EYS: variants seen among roughly 807,000 people sequenced by gnomAD.
EYS encodes EGF-like photoreceptor maintenance factor, also known as protein eyes shut homolog.
EYS carries 250 observed loss-of-function variants against 282.1 expected under a neutral mutation model. That is an observed-to-expected ratio of 0.89 (90% confidence interval 0.80 to 0.98). EYS has a LOEUF of 0.98. Among genes scored for constraint, EYS ranks in the 50% least tolerant of loss-of-function variants. EYS has a pLI of 0.00. For missense variants in EYS, 4,016 were observed against 3,709.0 expected (o/e 1.08, Z -2.15); for synonymous variants, 1,355 against 1,282.9 (o/e 1.06, Z -1.20).
At chr6:63,835,456 G>A (rs916752804) in intron 36 of EYS, among the ~76,000 whole-genome samples, 8 of 151,726 alleles carry the variant, frequency 5.3e-5, no homozygotes, top group East Asian at 1.9e-4. Context: ...TAATTCTTTC[G>A]TTCTTTAAGT....
At chr6:63,827,914 C>T (rs1771520640) in intron 36 of EYS, among the ~76,000 whole-genome samples, 2 of 148,920 alleles carry the variant, frequency 1.3e-5, no homozygotes, top group South Asian at 4.3e-4. Context: ...TGGAGTAAAA[C>T]TTGAAATCAA....
At chr6:64,572,987 C>A (rs112617872) in intron 26 of EYS, among the ~76,000 whole-genome samples, 244 of 152,068 alleles carry the variant, frequency 1.6e-3, no homozygotes, top group African/African-American at 5.6e-3. Flanking sequence ...GAAAAATGAA[C>A]AAAGATGGAG....
chr6:65,445,587 T>C (rs569679722), intron 5 of EYS, among the ~76,000 whole-genome samples: 2 of 151,850 alleles, frequency 1.3e-5, no homozygotes, highest in Non-Finnish European at 3.0e-5. Context: ...ATGAAAAAAT[T>C]TACCTGACAG....
At chr6:64,583,776 C>G (rs369285400) in intron 26 of EYS, among the ~76,000 whole-genome samples, 14 of 151,640 alleles carry the variant, frequency 9.2e-5, no homozygotes, top group African/African-American at 3.4e-4. Context: ...GCCTGGGCAA[C>G]AAGAATGAGA....
At chr6:65,046,670 G>A (rs937001680) in intron 13 of EYS, among the ~76,000 whole-genome samples, 1 of 151,806 alleles carries the variant, frequency 6.6e-6, no homozygotes, top group Non-Finnish European at 1.5e-5. Flanking sequence ...ATGTGGTTAG[G>A]AAAATCATTT....
At chr6:63,804,814 T>C (rs573248530) in intron 37 of EYS, among the ~76,000 whole-genome samples, 7 of 152,340 alleles carry the variant, frequency 4.6e-5, no homozygotes, top group African/African-American at 1.2e-4. Flanking sequence ...TAACTCTTAT[T>C]ACAATGTGGA....
intron 12 of EYS, among the ~76,000 whole-genome samples, chr6:65,200,178 A>T (rs1374212579): frequency 1.4e-5 from 2 of 148,092 alleles, no homozygotes; most frequent in African/African-American, 5.3e-5. Context: ...GTCAAAGATA[A>T]TTCTGAAGCT....
At chr6:65,590,856 C>CT (rs1015375138) in intron 2 of EYS, among the ~76,000 whole-genome samples, 356 of 145,256 alleles carry the variant, frequency 2.5e-3, no homozygotes, top group Middle Eastern at 7.1e-3. Flanking sequence ...AAATATACCA[C>CT]TTTTTTTTTT....
chr6:64,862,644 C>T (rs1766285196), intron 19 of EYS, among the ~76,000 whole-genome samples: 1 of 152,018 alleles, frequency 6.6e-6, no homozygotes, highest in Non-Finnish European at 1.5e-5. Flanking sequence ...GTGGATTACT[C>T]CTCCTCTGTG....
chr6:64,707,355 A>G (rs752369804), intron 22 of EYS, among the ~76,000 whole-genome samples: 5 of 152,100 alleles, frequency 3.3e-5, no homozygotes, highest in Admixed American at 6.5e-5. Flanking sequence ...AAAGGGAGGC[A>G]ATAGGGTGAG....
chr6:64,312,082 C>T (rs1307753416), intron 29 of EYS, among the ~76,000 whole-genome samples: 2 of 151,736 alleles, frequency 1.3e-5, no homozygotes, highest in African/African-American at 2.4e-5. Flanking sequence ...AGTGCTCTGG[C>T]TCAGCAGGTC....
intron 32 of EYS, among the ~76,000 whole-genome samples, chr6:64,070,197 C>A (rs116417074): frequency 6.6e-6 from 1 of 152,028 alleles, no homozygotes; most frequent in Non-Finnish European, 1.5e-5. Context: ...ATGAACTTCA[C>A]GTCCTTGTTA....
intron 12 of EYS, among the ~76,000 whole-genome samples, chr6:65,076,201 AT>A (rs1489640404): frequency 1.3e-5 from 2 of 152,026 alleles, no homozygotes; most frequent in Non-Finnish European, 2.9e-5. Flanking sequence ...TCAGAAATAC[AT>A]TGTATCACTC....
intron 12 of EYS, among the ~76,000 whole-genome samples, chr6:65,104,175 A>G (rs1384027393): frequency 6.6e-6 from 1 of 151,462 alleles, no homozygotes; most frequent in East Asian, 1.9e-4. Flanking sequence ...GGAAGTGATT[A>G]CACTATCATC....
intron 15 of EYS, among the ~76,000 whole-genome samples, chr6:64,924,594 T>C (rs1768453938): frequency 1.3e-5 from 2 of 152,218 alleles, no homozygotes; most frequent in African/African-American, 2.4e-5. Flanking sequence ...GCTTCCCTTA[T>C]AAAACTGAAT....
intron 30 of EYS, among the ~76,000 whole-genome samples, chr6:64,268,391 G>A (rs925475924): frequency 6.6e-6 from 1 of 152,094 alleles, no homozygotes; most frequent in African/African-American, 2.4e-5. Flanking sequence ...GAGTTCTGAG[G>A]TGGGAGAGAG....
chr6:64,692,750 C>T (rs1261465122), intron 22 of EYS, among the ~76,000 whole-genome samples: 2 of 152,092 alleles, frequency 1.3e-5, no homozygotes, highest in African/African-American at 2.4e-5. Context: ...ATAAGGAGCC[C>T]TTTCTCCATT....
At chr6:64,447,391 T>C (rs1775149735) in intron 26 of EYS, among the ~76,000 whole-genome samples, 1 of 152,120 alleles carries the variant, frequency 6.6e-6, no homozygotes, top group Non-Finnish European at 1.5e-5. Flanking sequence ...AGTAGGAAAA[T>C]TAGCATTTAT....
chr6:64,852,657 G>A (rs1007146290), intron 19 of EYS, among the ~76,000 whole-genome samples: 9 of 152,238 alleles, frequency 5.9e-5, no homozygotes, highest in Admixed American at 5.2e-4. Flanking sequence ...TCACTCATAA[G>A]TCCATTGACT....
Sources: allele counts gnomAD v4.1 joint callset (sites outside exome capture counted in the v4.1 genomes callset), GRCh38; gene constraint gnomAD v4.1.1; transcripts MANE v1.5; gene names NCBI Gene and HGNC (gene_info 2026-07-23, HGNC 2026-07-21).